The following ZNF280C variants were observed in gnomAD, a reference collection of about 807,000 sequenced individuals.
ZNF280C encodes suppressor of hairy wing homolog 3.
In ZNF280C, 14 loss-of-function variants were observed where a neutral mutation model predicts 53.6. The observed-to-expected ratio is 0.26, with a 90% CI of 0.17 to 0.41. The LOEUF (loss-of-function observed/expected upper bound fraction) is 0.41. Ranked by LOEUF, ZNF280C falls within the 10% of genes least tolerant of loss-of-function variation. ZNF280C has a pLI of 1.00. For synonymous variants in ZNF280C, 203 were observed against 181.1 expected (o/e 1.12, Z -0.97); for missense variants, 416 against 547.1 (o/e 0.76, Z 2.39).
chrX:130,213,397 A>G (rs1415647677), intron 15 of ZNF280C, among the ~76,000 whole-genome samples: 1 of 110,962 alleles, frequency 9.0e-6, no homozygotes, highest in East Asian at 2.8e-4. Context: ...CGAAACAAAA[A>G]CAAAGCGGTA....
Position 130,227,220 on chromosome X carries a change from C to T in ZNF280C, c.1249-315G>A, listed in dbSNP as rs185440094. On this transcript the variant is annotated intron_variant, in intron 11 of 18. Transcript: ENST00000370978. ...AAAAAGCTTTTCCTGCTATATAAAA[C>T]AGAGTATTCTCTTCTTTAGATTTTA... Among the ~76,000 whole-genome samples, 3 of 111,948 alleles carry T rather than the reference C, an allele frequency of 2.7e-5. No homozygotes were observed. In the East Asian group the frequency reaches 8.4e-4, roughly 31 times the overall value.
At chrX:130,248,636 C>T (rs1239650039) in intron 2 of ZNF280C, among the ~76,000 whole-genome samples, 1 of 111,422 alleles carries the variant, frequency 9.0e-6, no homozygotes, top group Non-Finnish European at 1.9e-5. Flanking sequence ...ACTCTTTGGT[C>T]AGCTGTCCTC....
rs2032416442 is a variant in ZNF280C, at chrX:130,243,548, T to A, written c.381+15A>T. The A allele has an allele frequency of 2.5e-6, 3 of 1,196,444 alleles. No individual in the cohort carries two copies. The highest frequency in any genetic ancestry group is 2.3e-6 in the Non-Finnish European group (2 of 887,663). The stretch of plus-strand genomic sequence containing the variant: ...TGTGTCCCTGAATTAATTGTGTAAT[T>A]TTATAAACACTTACAGGTTTAGACG... On this transcript the variant is annotated intron_variant, in intron 5 of 18. Transcript: ENST00000370978.
intron 10 of ZNF280C, among the ~76,000 whole-genome samples, chrX:130,228,599 AAC>A (rs1322142379): frequency 7.5e-5 from 7 of 93,832 alleles, no homozygotes; most frequent in Admixed American, 1.2e-4. Context: ...CTTCAATTTT[AAC>A]AGTTTTTTTC....
chrX:130,251,306 A>AAAAAAAAAAAAAAAAAAAC (rs1569439584), intron 2 of ZNF280C, among the ~76,000 whole-genome samples: 1 of 103,609 alleles, frequency 9.7e-6, no homozygotes, highest in African/African-American at 3.5e-5. Context: ...AAAAAAAAAA[A>AAAAAAAAAAAAAAAAAAAC]AGACCAGCAA....
At chrX:130,253,710 G>A (rs1272493178) in intron 2 of ZNF280C, among the ~76,000 whole-genome samples, 4 of 112,223 alleles carry the variant, frequency 3.6e-5, no homozygotes, top group African/African-American at 1.3e-4. Context: ...CTAGCCATAT[G>A]CAAGAGACTG....
intron 15 of ZNF280C, among the ~76,000 whole-genome samples, chrX:130,212,716 A>G (rs1041960533): frequency 4.5e-5 from 5 of 111,021 alleles, no homozygotes; most frequent in Non-Finnish European, 9.4e-5. Flanking sequence ...TAAATGGAGG[A>G]ACAAGAAAGC....
chrX:130,237,411 C>T (rs1402128952), intron 6 of ZNF280C, among the ~76,000 whole-genome samples: 1 of 111,496 alleles, frequency 9.0e-6, no homozygotes, highest in Non-Finnish European at 1.9e-5. Flanking sequence ...TAAATTTTAT[C>T]TGAGTAAGAA....
Position 130,254,249 on chromosome X carries a change from A to G in ZNF280C, c.31+6170T>C, listed in dbSNP as rs7881499. On this transcript the variant is annotated intron_variant, in intron 2 of 18. Coordinates refer to ENST00000370978, the MANE Select transcript of ZNF280C (RefSeq NM_017666.5). ...TGTCAGAATGGCTATTCAAAAGTCA[A>G]AAAAATAACAGATGCTGGGGAGGTT... 8.4e-3 allele frequency among the ~76,000 whole-genome samples: 936 copies of G among 111,977 alleles called. 12 individuals are homozygous for G. Among genetic ancestry groups the G allele is most frequent in the African/African-American group, 0.029 (881 of 30,814 alleles).
chrX:130,234,456 G>A (rs1238965150), intron 8 of ZNF280C, among the ~76,000 whole-genome samples: 2 of 112,387 alleles, frequency 1.8e-5, no homozygotes, highest in African/African-American at 3.2e-5. Flanking sequence ...ACTCAGGGAG[G>A]TGAAAACAGC....
At chrX:130,246,480 T>C (rs2032451654) in intron 3 of ZNF280C, among the ~76,000 whole-genome samples, 1 of 112,227 alleles carries the variant, frequency 8.9e-6, no homozygotes, top group Non-Finnish European at 1.9e-5. Context: ...TTAAGAAAAG[T>C]ATTCCAAACA....
At chrX:130,256,499 A>T (rs1284008867) in intron 2 of ZNF280C, among the ~76,000 whole-genome samples, 1 of 110,644 alleles carries the variant, frequency 9.0e-6, no homozygotes, top group Non-Finnish European at 1.9e-5. Context: ...CAGAGGCATG[A>T]GAATCGCTGG....
chrX:130,256,083 G>A (rs2032568430), intron 2 of ZNF280C, among the ~76,000 whole-genome samples: 1 of 111,437 alleles, frequency 9.0e-6, no homozygotes, highest in South Asian at 3.8e-4. Flanking sequence ...AGTGAGCCAT[G>A]AAGGTGCCAC....
rs764491393 is a variant in ZNF280C at position 130,209,655 on chromosome X, G to C, written c.2040C>G (p.Leu680=). 6.7e-6 allele frequency: 8 copies of C among 1,198,821 alleles called. No individual in the cohort carries two copies. The highest frequency in any genetic ancestry group is 9.0e-6 in the Non-Finnish European group (8 of 887,188). Residue 680 remains leucine, a splice_region_variant and synonymous_variant, in exon 16 of 19, where the codon CTC becomes CTG. Coordinates refer to ENST00000370978, the MANE Select transcript of ZNF280C (RefSeq NM_017666.5). Reference sequence around the variant, plus strand: ...AAAAAAAAAAGATCAATGATTACCTGAGAGTTCCTGAATGCTTCTTGAAAA... The same window carrying C: ...AAAAAAAAAAGATCAATGATTACCTCAGAGTTCCTGAATGCTTCTTGAAAA... ...FCIFKKHSGT[L]RGITLVCLKC...
At chrX:130,268,425 A>G (rs1276342290) in intron 1 of ZNF280C, among the ~76,000 whole-genome samples, 1 of 112,100 alleles carries the variant, frequency 8.9e-6, no homozygotes, top group Non-Finnish European at 1.9e-5. Flanking sequence ...TGCCTCCAGA[A>G]TGAAAAGCCC....
At chrX:130,266,893 G>A (rs1327356636) in intron 1 of ZNF280C, among the ~76,000 whole-genome samples, 1 of 111,114 alleles carries the variant, frequency 9.0e-6, no homozygotes, top group African/African-American at 3.3e-5. Flanking sequence ...ACGAGGTCAG[G>A]CGTTCCAGAC....
At chrX:130,217,922 G>C (rs1675700) in intron 13 of ZNF280C, among the ~76,000 whole-genome samples, 1 of 112,067 alleles carries the variant, frequency 8.9e-6, no homozygotes, top group Admixed American at 9.5e-5. Context: ...TGTAACCCCA[G>C]CACTTTGGGA....
At chrX:130,206,908 A>C (rs2031982199) in intron 16 of ZNF280C, among the ~76,000 whole-genome samples, 2 of 111,886 alleles carry the variant, frequency 1.8e-5, no homozygotes, top group South Asian at 7.4e-4. Context: ...TCGAGTACTT[A>C]CTCTATGCCA....
In ZNF280C at chrX:130,264,549, A is replaced by G. The variant is rs779756367; in HGVS notation, c.-16-4084T>C. Among the ~76,000 whole-genome samples, 374 of 111,047 alleles carry G rather than the reference A, an allele frequency of 3.4e-3. 4 individuals are homozygous for G. Among genetic ancestry groups the G allele is most frequent in the African/African-American group, 0.012 (359 of 30,570 alleles). On this transcript the variant is annotated intron_variant, in intron 1 of 18. Coordinates refer to ENST00000370978, the MANE Select transcript of ZNF280C (RefSeq NM_017666.5). ...GGATTCTCTGGGTGACCAACCTTAT[A>G]TACATAAATGACGCATTTGCACTAA...
Sources: allele counts gnomAD v4.1 joint callset (sites outside exome capture counted in the v4.1 genomes callset), GRCh38; gene constraint gnomAD v4.1.1; transcripts MANE v1.5; gene names NCBI Gene and HGNC (gene_info 2026-07-23, HGNC 2026-07-21).